SUGCT: variants seen among roughly 807,000 people sequenced by gnomAD.
SUGCT encodes the protein succinyl-CoA:glutarate-CoA transferase, also known as succinyl-CoA:glutarate CoA-transferase.
SUGCT carries 41 observed loss-of-function variants against 55.0 expected under a neutral mutation model. The ratio of observed to expected loss-of-function variants is 0.74; its 90% CI spans 0.58 to 0.97. The LOEUF is 0.97. Among genes scored for constraint, SUGCT ranks in the 50% least tolerant of loss-of-function variants. The pLI, the probability that SUGCT is intolerant of heterozygous loss-of-function variation, is 0.00. For missense variants in SUGCT, 568 were observed against 547.8 expected (o/e 1.04, Z -0.37); for synonymous variants, 187 against 200.4 (o/e 0.93, Z 0.56).
chr7:40,606,958 A>G (rs1212516767), intron 12 of SUGCT, among the ~76,000 whole-genome samples: 1 of 152,188 alleles, frequency 6.6e-6, no homozygotes, highest in Non-Finnish European at 1.5e-5. Context: ...ATTCATATGC[A>G]TAATTTGATC....
the SUGCT span, among the ~76,000 whole-genome samples, chr7:41,011,716 A>G: frequency 6.6e-6 from 1 of 152,272 alleles, no homozygotes; most frequent in Non-Finnish European, 1.5e-5. Context: ...AGTGTAAATC[A>G]TCCCACCTCC....
chr7:40,539,810 T>C (rs916509444), intron 12 of SUGCT: 1 of 152,240 alleles, frequency 6.6e-6, no homozygotes, highest in Non-Finnish European at 1.5e-5. Context: ...TATGTTATTG[T>C]TTCCAATACT....
chr7:40,824,219 AC>A (rs2128769889), intron 13 of SUGCT, among the ~76,000 whole-genome samples: 1 of 152,140 alleles, frequency 6.6e-6, no homozygotes, highest in East Asian at 1.9e-4. Context: ...AAAAAAAAAA[AC>A]AAAAAACAAA....
chr7:40,795,469 TC>T (rs1435657115), intron 13 of SUGCT, among the ~76,000 whole-genome samples: 1 of 152,136 alleles, frequency 6.6e-6, no homozygotes, highest in Non-Finnish European at 1.5e-5. Context: ...TTCCAGAAGT[TC>T]TTCAAAATAA....
intron 12 of SUGCT, among the ~76,000 whole-genome samples, chr7:40,568,215 G>T (rs1045943497): frequency 2.6e-5 from 4 of 152,138 alleles, no homozygotes; most frequent in Admixed American, 2.0e-4. Context: ...TAGTCAAACG[G>T]CTATTTTGTG....
the SUGCT span, among the ~76,000 whole-genome samples, chr7:40,891,681 A>C: frequency 6.6e-6 from 1 of 152,288 alleles, no homozygotes; most frequent in South Asian, 2.1e-4. Flanking sequence ...GTTTGAGTTG[A>C]AAAAAATTAT....
At chr7:40,675,731 C>T (rs1285822061) in intron 12 of SUGCT, among the ~76,000 whole-genome samples, 1 of 152,114 alleles carries the variant, frequency 6.6e-6, no homozygotes, top group Non-Finnish European at 1.5e-5. Flanking sequence ...GGGAGACATC[C>T]AATATGGATC....
chr7:40,821,906 C>G (rs1195370237), intron 13 of SUGCT, among the ~76,000 whole-genome samples: 1 of 152,152 alleles, frequency 6.6e-6, no homozygotes, highest in Non-Finnish European at 1.5e-5. Context: ...GCATTTAGTG[C>G]TATAAATTTC....
intron 9 of SUGCT, among the ~76,000 whole-genome samples, chr7:40,415,618 A>C (rs1295931579): frequency 6.6e-6 from 1 of 151,940 alleles, no homozygotes; most frequent in African/African-American, 2.4e-5. Flanking sequence ...TTATTCTCCT[A>C]AATTTTATTC....
At chr7:40,209,313 C>G (rs1324268233) in intron 6 of SUGCT, among the ~76,000 whole-genome samples, 4 of 150,082 alleles carry the variant, frequency 2.7e-5, no homozygotes, top group Non-Finnish European at 3.0e-5. Flanking sequence ...AGAGATCAGC[C>G]TGGCCAAATC....
intron 8 of SUGCT, among the ~76,000 whole-genome samples, chr7:40,281,377 G>T (rs1050899629): frequency 6.6e-6 from 1 of 152,218 alleles, no homozygotes; most frequent in South Asian, 2.1e-4. Context: ...GAAATTAAGA[G>T]AACTCCTCAA....
chr7:40,479,292 A>G (rs1324204231), intron 11 of SUGCT, among the ~76,000 whole-genome samples: 1 of 152,164 alleles, frequency 6.6e-6, no homozygotes. Context: ...TGAATGTAGC[A>G]TAGCGGTCCC....
At chr7:40,660,097 C>T (rs1287402398) in intron 12 of SUGCT, among the ~76,000 whole-genome samples, 1 of 152,158 alleles carries the variant, frequency 6.6e-6, no homozygotes, top group Non-Finnish European at 1.5e-5. Flanking sequence ...GCATATTCAC[C>T]TTCAGTTTAT....
the SUGCT span, among the ~76,000 whole-genome samples, chr7:40,981,152 C>T: frequency 1.7e-4 from 26 of 152,254 alleles, no homozygotes; most frequent in East Asian, 2.9e-3. Flanking sequence ...CTGAAACTTA[C>T]GTGGAGGCAG....
chr7:40,193,286 T>TTG (rs1786034839), intron 5 of SUGCT, among the ~76,000 whole-genome samples: 1 of 138,116 alleles, frequency 7.2e-6, no homozygotes, highest in South Asian at 2.5e-4. Flanking sequence ...CTGTGTTTTT[T>TTG]TTTTTTTTTT....
chr7:40,468,809 G>A (rs561751320), intron 11 of SUGCT, among the ~76,000 whole-genome samples: 4 of 152,134 alleles, frequency 2.6e-5, no homozygotes, highest in Non-Finnish European at 4.4e-5. Flanking sequence ...TGATTCCTTA[G>A]TGTAAATACA....
At chr7:40,532,835 A>G (rs1167769580) in intron 12 of SUGCT, among the ~76,000 whole-genome samples, 1 of 152,160 alleles carries the variant, frequency 6.6e-6, no homozygotes, top group African/African-American at 2.4e-5. Context: ...AATGTTTCGT[A>G]TGTGAATTAT....
intron 12 of SUGCT, among the ~76,000 whole-genome samples, chr7:40,734,560 G>A (rs1363171055): frequency 6.6e-6 from 1 of 152,106 alleles, no homozygotes; most frequent in Non-Finnish European, 1.5e-5. Flanking sequence ...CACTCACTCT[G>A]TCCTTGCTTT....
chr7:40,435,656 T>A (rs1788132117), intron 9 of SUGCT, among the ~76,000 whole-genome samples: 1 of 152,180 alleles, frequency 6.6e-6, no homozygotes, highest in East Asian at 1.9e-4. Flanking sequence ...CTACCTTTGT[T>A]CAATGGCTTG....
Sources: allele counts gnomAD v4.1 joint callset (sites outside exome capture counted in the v4.1 genomes callset), GRCh38; gene constraint gnomAD v4.1.1; transcripts MANE v1.5; gene names NCBI Gene and HGNC (gene_info 2026-07-23, HGNC 2026-07-21).